FAM13B: variants seen among roughly 807,000 people sequenced by gnomAD.
FAM13B encodes protein FAM13B.
In FAM13B, 60 loss-of-function variants were observed where a neutral mutation model predicts 117.3. The ratio of observed to expected loss-of-function variants is 0.51; its 90% CI spans 0.42 to 0.63. The LOEUF (loss-of-function observed/expected upper bound fraction) is 0.63, where lower values mean the gene tolerates loss of function less well. Ranked by LOEUF, FAM13B falls within the 30% of genes least tolerant of loss-of-function variation. The pLI, the probability that FAM13B is intolerant of heterozygous loss-of-function variation, is 0.00. For missense variants in FAM13B, 972 were observed against 1,091.9 expected (o/e 0.89, Z 1.55); for synonymous variants, 332 against 356.1 (o/e 0.93, Z 0.76).
intron 18 of FAM13B, among the ~76,000 whole-genome samples, chr5:137,948,549 C>T (rs1764063612): frequency 6.6e-6 from 1 of 152,174 alleles, no homozygotes; most frequent in Non-Finnish European, 1.5e-5. Context: ...CATACTACCA[C>T]ATCCAGCTAA....
intron 12 of FAM13B, 39 bp downstream of exon 12, chr5:137,960,127 G>C (rs952366707): frequency 5.5e-5 from 69 of 1,248,936 alleles, no homozygotes; most frequent in Non-Finnish European, 7.4e-5. Flanking sequence ...TTAAACCTAG[G>C]CAAGTTTTTA....
At chr5:138,013,801 C>T (rs986591269) in intron 4 of FAM13B, among the ~76,000 whole-genome samples, 20 of 152,164 alleles carry the variant, frequency 1.3e-4, no homozygotes, top group African/African-American at 4.8e-4. Flanking sequence ...AATGAAGATA[C>T]CAACACTTGA....
chr5:138,046,890 C>T (rs1791655232), intron 1 of FAM13B, among the ~76,000 whole-genome samples: 1 of 152,038 alleles, frequency 6.6e-6, no homozygotes, highest in Non-Finnish European at 1.5e-5. Flanking sequence ...GGATTACAGG[C>T]ACCCACCACC....
At chr5:137,965,857 G>A (rs1451256205) in intron 10 of FAM13B, among the ~76,000 whole-genome samples, 4 of 152,110 alleles carry the variant, frequency 2.6e-5, no homozygotes, top group African/African-American at 7.2e-5. Flanking sequence ...AAGTTTTGAA[G>A]GGGCACCATC....
chr5:138,020,902 C>G (rs1386054537), intron 2 of FAM13B, 129 bp downstream of exon 2: 1 of 503,572 alleles, frequency 2.0e-6, no homozygotes, highest in African/African-American at 2.0e-5. Context: ...AACATCCATT[C>G]TTCAATGTAT....
At chr5:137,984,326 G>A (rs1057498850) in intron 10 of FAM13B, among the ~76,000 whole-genome samples, 1 of 152,132 alleles carries the variant, frequency 6.6e-6, no homozygotes, top group Admixed American at 6.6e-5. Context: ...CTCTCTGTAC[G>A]AGCAAGAGAA....
intron 1 of FAM13B, chr5:138,039,698 A>G (rs1668096125): frequency 6.6e-6 from 1 of 151,294 alleles, no homozygotes; most frequent in South Asian, 2.1e-4. Flanking sequence ...GGCCTCCCAA[A>G]GTGCTGGGAT....
rs532222236 is a variant in FAM13B at position 137,959,788 on chromosome 5, T to C, written c.1294-25A>G. ...CCTGTATTTTAAAATAAAGAATATA[T>C]TTCACAACTACGGAAGCTTTTCACA... is the stretch of plus-strand genomic sequence containing the variant. On this transcript the variant is annotated intron_variant, in intron 12 of 23. Coordinates refer to ENST00000689681, the MANE Select transcript of FAM13B (RefSeq NM_001385994.1). The C allele has an allele frequency of 6.2e-6, 10 of 1,609,088 alleles. No individual in the cohort carries two copies. In the South Asian group the frequency reaches 7.7e-5, roughly 12 times the overall value.
At chr5:138,041,063 C>CAAAAAA (rs5871662) in intron 1 of FAM13B, among the ~76,000 whole-genome samples, 18 of 70,290 alleles carry the variant, frequency 2.6e-4, no homozygotes, top group South Asian at 7.6e-4. Context: ...GACTCCATCT[C>CAAAAAA]AAAAAAAAAA....
chr5:137,941,842 T>A, intron 23 of FAM13B, 102 bp downstream of exon 23: 1 of 967,714 alleles, frequency 1.0e-6, no homozygotes, highest in Non-Finnish European at 1.6e-6. Context: ...GCTAGCATCC[T>A]ATATGCACAA....
chr5:138,048,604 T>C (rs1454442440), intron 1 of FAM13B, among the ~76,000 whole-genome samples: 1 of 152,146 alleles, frequency 6.6e-6, no homozygotes, highest in Non-Finnish European at 1.5e-5. Flanking sequence ...AGGAGGCAAA[T>C]CCCTCTCCCC....
chr5:137,988,605 T>C (rs559981858), intron 7 of FAM13B, among the ~76,000 whole-genome samples: 4 of 152,348 alleles, frequency 2.6e-5, no homozygotes, highest in African/African-American at 9.6e-5. Flanking sequence ...TTATCTCTCA[T>C]TTAATAACTT....
At chr5:138,023,346 C>A (rs1787294696) in intron 1 of FAM13B, among the ~76,000 whole-genome samples, 1 of 152,094 alleles carries the variant, frequency 6.6e-6, no homozygotes, top group South Asian at 2.1e-4. Context: ...TATGATATGC[C>A]AGGCAGTTCC....
chr5:137,969,778 G>C (rs546352972), intron 10 of FAM13B, among the ~76,000 whole-genome samples: 1 of 152,280 alleles, frequency 6.6e-6, no homozygotes, highest in Admixed American at 6.5e-5. Context: ...AGCTGATGTA[G>C]CTGAAAACCA....
chr5:138,031,921 C>T (rs934511573), intron 1 of FAM13B, among the ~76,000 whole-genome samples: 7 of 152,158 alleles, frequency 4.6e-5, no homozygotes, highest in African/African-American at 1.2e-4. Context: ...AACAGGTGCA[C>T]CCCAGTTAAT....
rs1763382434 is a variant in FAM13B at position 137,946,214 on chromosome 5, A to T, written c.2244+14T>A. The T allele has an allele frequency of 1.3e-6, 2 of 1,567,880 alleles. No homozygotes were observed. Among genetic ancestry groups the T allele is most frequent in the Admixed American group, 2.0e-5 (1 of 49,126 alleles). ...AGACATAAAATCAAATCTTTTTAGC[A>T]AGAGAGATATTACCGGCCTTCCATG... On this transcript the variant is annotated intron_variant, in intron 19 of 23. Coordinates refer to ENST00000689681, the MANE Select transcript of FAM13B (RefSeq NM_001385994.1).
At chr5:137,977,627 A>G (rs1204646986) in intron 10 of FAM13B, among the ~76,000 whole-genome samples, 1 of 152,194 alleles carries the variant, frequency 6.6e-6, no homozygotes, top group Non-Finnish European at 1.5e-5. Context: ...CTGATATCTC[A>G]AAGTGCTGGG....
intron 1 of FAM13B, among the ~76,000 whole-genome samples, chr5:138,028,235 G>A (rs1271787749): frequency 6.6e-6 from 1 of 152,184 alleles, no homozygotes; most frequent in Non-Finnish European, 1.5e-5. Context: ...AAAAAAAAGA[G>A]TAGAAGCTAT....
At chr5:137,996,750 C>A (rs1779967286) in intron 7 of FAM13B, among the ~76,000 whole-genome samples, 1 of 152,016 alleles carries the variant, frequency 6.6e-6, no homozygotes, top group Non-Finnish European at 1.5e-5. Context: ...CACCAACATG[C>A]TCAGCTAATT....
Sources: gnomAD v4.1 joint callset for allele counts (sites outside exome capture counted in the v4.1 genomes callset) on GRCh38, gnomAD v4.1.1 for gene constraint, MANE v1.5 for transcripts, NCBI Gene and HGNC (gene_info 2026-07-23, HGNC 2026-07-21) for gene names.